The following PDS5B variants were observed in gnomAD, a reference collection of about 807,000 sequenced individuals.
PDS5B encodes the protein sister chromatid cohesion protein PDS5 homolog B.
Under a neutral mutation model 184.1 loss-of-function variants are expected in PDS5B, and 51 were observed. The observed-to-expected ratio is 0.28, with a 90% CI of 0.22 to 0.35. The LOEUF is 0.35. PDS5B is among the 10% of genes least tolerant of loss of function. The pLI is 1.00. For missense variants in PDS5B, 1,180 were observed against 1,723.3 expected (o/e 0.68, Z 5.58); for synonymous variants, 566 against 569.2 (o/e 0.99, Z 0.08).
rs76303753 is a variant in PDS5B at position 32,742,976 on chromosome 13, C to T, written c.2612+249C>T. ...TAGATTCTTACATTTTAGAATATCT[C>T]GTATGAAAGTGTGAGTGTACCAGTC... is the stretch of plus-strand genomic sequence containing the variant. On this transcript the variant is annotated intron_variant, in intron 23 of 34. Transcript: ENST00000315596. Among the ~76,000 whole-genome samples the T allele has an allele frequency of 1.8e-3, 270 of 149,630 alleles. 6 individuals carry two copies. In the East Asian group the frequency reaches 0.045, roughly 25 times the overall value.
At chr13:32,737,105 T>TA (rs1953359456) in intron 21 of PDS5B, among the ~76,000 whole-genome samples, 1 of 152,198 alleles carries the variant, frequency 6.6e-6, no homozygotes. Context: ...GGTCAAATCT[T>TA]ACCTTGTACA....
rs646756 is a variant in PDS5B at position 32,699,548 on chromosome 13, A to G, written c.1601-182A>G. Reference sequence around the variant, plus strand: ...CACAATGCTCCTGTTTTATATTTCTAGAAAATATATTTTTATGTGTGAAAA... The same window carrying G: ...CACAATGCTCCTGTTTTATATTTCTGGAAAATATATTTTTATGTGTGAAAA... On this transcript the variant is annotated intron_variant, in intron 15 of 34. Coordinates refer to ENST00000315596, the MANE Select transcript of PDS5B (RefSeq NM_015032.4). Among the ~76,000 whole-genome samples the G allele has an allele frequency of 0.23, 35,225 of 152,124 alleles. 4,392 individuals are homozygous for G. Among genetic ancestry groups the G allele is most frequent in the South Asian group, 0.38 (1,818 of 4,824 alleles).
chr13:32,675,290 A>G (rs1297409855), intron 8 of PDS5B, among the ~76,000 whole-genome samples: 1 of 152,200 alleles, frequency 6.6e-6, no homozygotes, highest in East Asian at 1.9e-4. Context: ...TGCCCCCAAT[A>G]TAATATATAA....
rs1056560928 is a variant in PDS5B at position 32,777,923 on chromosome 13, A to G, written c.*2871A>G. ...AGGCATATCTCTGCCATCACATAGT[A>G]TTATGTCACCATAATGAACAATTGC... On this transcript the variant is annotated 3_prime_UTR_variant, in exon 35 of 35. Coordinates refer to ENST00000315596, the MANE Select transcript of PDS5B (RefSeq NM_015032.4). The G allele has an allele frequency of 6.6e-6, 1 of 152,450 alleles. No homozygotes were observed. The highest frequency in any genetic ancestry group is 1.5e-5 in the Non-Finnish European group (1 of 67,858). 9.4% of individuals were successfully genotyped at this position (152,450 alleles called of 1,614,324 possible).
intron 13 of PDS5B, among the ~76,000 whole-genome samples, chr13:32,692,414 C>CTA (rs1593440334): frequency 1.6e-4 from 11 of 69,152 alleles, no homozygotes; most frequent in African/African-American, 5.5e-4. Context: ...GTCCAAAAAG[C>CTA]CTTTTTTTTT....
intron 1 of PDS5B, among the ~76,000 whole-genome samples, chr13:32,643,504 C>G (rs114266052): frequency 6.6e-6 from 1 of 152,122 alleles, no homozygotes; most frequent in Non-Finnish European, 1.5e-5. Context: ...TTCCTGTTAT[C>G]GCTACCACTT....
chr13:32,643,851 A>T (rs1950159452), intron 1 of PDS5B, among the ~76,000 whole-genome samples: 1 of 152,170 alleles, frequency 6.6e-6, no homozygotes. Flanking sequence ...GTATCCCATC[A>T]TTAAGTGATG....
intron 1 of PDS5B, among the ~76,000 whole-genome samples, chr13:32,641,380 T>C (rs933625033): frequency 3.9e-5 from 6 of 152,170 alleles, no homozygotes; most frequent in Admixed American, 2.6e-4. Context: ...TCTCGTAATT[T>C]GGTATTCATT....
At chr13:32,716,846 G>T (rs1198497355) in intron 19 of PDS5B, among the ~76,000 whole-genome samples, 1 of 131,634 alleles carries the variant, frequency 7.6e-6, no homozygotes, top group African/African-American at 2.8e-5. Flanking sequence ...GGAGGTTGGG[G>T]GGTCAGCCCC....
At chr13:32,688,775 A>G in intron 13 of PDS5B, 2 of 472,886 alleles carry the variant, frequency 4.2e-6, no homozygotes, top group South Asian at 6.3e-5. Flanking sequence ...ATTGAAAAAT[A>G]GAGCTGATTG....
intron 1 of PDS5B, among the ~76,000 whole-genome samples, chr13:32,598,992 G>A (rs919892474): frequency 3.3e-5 from 5 of 151,936 alleles, no homozygotes; most frequent in Non-Finnish European, 7.4e-5. Flanking sequence ...GGATGGTCTC[G>A]ATCTCCTGAC....
At chr13:32,714,649 C>T (rs1952315498) in intron 19 of PDS5B, among the ~76,000 whole-genome samples, 1 of 152,156 alleles carries the variant, frequency 6.6e-6, no homozygotes, top group Admixed American at 6.5e-5. Flanking sequence ...ATATTTCTCC[C>T]ATTTGCTTTT....
rs1954262767 is a variant in PDS5B, at chr13:32,758,419, GT to G, written c.3190-113del. On this transcript the variant is annotated intron_variant, in intron 27 of 34. Transcript: ENST00000315596. ...GTAAGCTAAGATGCTTACACAGACT[GT>G]TGCTTTCATTAGTTTGCTATTCAGA... 8 of 1,104,186 alleles carry G rather than the reference GT, an allele frequency of 7.2e-6. No homozygotes were observed. The Admixed American group carries it at 9.2e-5, about 13-fold the overall frequency. 68.4% of individuals were successfully genotyped at this position (1,104,186 alleles called of 1,614,324 possible).
At chr13:32,646,164 T>G (rs1950217402) in intron 1 of PDS5B, among the ~76,000 whole-genome samples, 1 of 152,030 alleles carries the variant, frequency 6.6e-6, no homozygotes, top group Non-Finnish European at 1.5e-5. Context: ...ACCACTATGC[T>G]TGGCTAATTT....
intron 7 of PDS5B, among the ~76,000 whole-genome samples, chr13:32,672,494 T>C (rs549865498): frequency 2.6e-5 from 4 of 152,276 alleles, no homozygotes; most frequent in East Asian, 1.9e-4. Context: ...AATTGACTTA[T>C]GAGATTACAG....
chr13:32,651,328 A>C (rs1950361711), intron 2 of PDS5B, among the ~76,000 whole-genome samples: 3 of 152,186 alleles, frequency 2.0e-5, no homozygotes, highest in Admixed American at 2.0e-4. Context: ...CTTAAATAAA[A>C]CCATGTGACT....
At chr13:32,640,247 CT>C (rs2058636313) in intron 1 of PDS5B, among the ~76,000 whole-genome samples, 1 of 149,270 alleles carries the variant, frequency 6.7e-6, no homozygotes, top group African/African-American at 2.6e-5. Context: ...AGAATATTTT[CT>C]TTTCTTTTTT....
At chr13:32,773,492 G>A (rs1022823372) in intron 34 of PDS5B, among the ~76,000 whole-genome samples, 168 bp downstream of exon 34, 1 of 152,118 alleles carries the variant, frequency 6.6e-6, no homozygotes, top group East Asian at 1.9e-4. Context: ...ATGGAAACCC[G>A]AAACTAAGCA....
At chr13:32,640,160 C>G (rs959041706) in intron 1 of PDS5B, among the ~76,000 whole-genome samples, 1 of 152,038 alleles carries the variant, frequency 6.6e-6, no homozygotes, top group Non-Finnish European at 1.5e-5. Context: ...TTTTCTTGTA[C>G]TCAGTGTGAT....
Sources: allele counts gnomAD v4.1 joint callset (sites outside exome capture counted in the v4.1 genomes callset), GRCh38; gene constraint gnomAD v4.1.1; transcripts MANE v1.5; gene names NCBI Gene and HGNC (gene_info 2026-07-23, HGNC 2026-07-21).